The following WDR37 variants were observed in gnomAD, a reference collection of about 807,000 sequenced individuals.
WDR37 encodes WD repeat-containing protein 37.
WDR37 carries 19 observed loss-of-function variants against 62.9 expected under a neutral mutation model. The ratio of observed to expected loss-of-function variants is 0.30; its 90% CI spans 0.21 to 0.44. WDR37 has a LOEUF of 0.44. WDR37 is among the 20% of genes least tolerant of loss of function. WDR37 has a pLI of 1.00. For synonymous variants in WDR37, 250 were observed against 260.9 expected, an observed-to-expected ratio of 0.96 and a Z score of 0.40; for missense variants, 474 against 657.6, an observed-to-expected ratio of 0.72 and a Z score of 3.05.
At chr10:1,083,776 G>T (rs993912622) in intron 5 of WDR37, among the ~76,000 whole-genome samples, 7 of 152,226 alleles carry the variant, frequency 4.6e-5, no homozygotes, top group African/African-American at 1.7e-4. Context: ...TGTCCAAAAG[G>T]CCAGGGGCCT....
At chr10:1,077,513 G>A (rs7085063) in intron 2 of WDR37, among the ~76,000 whole-genome samples, 4 of 152,254 alleles carry the variant, frequency 2.6e-5, no homozygotes, top group African/African-American at 9.6e-5. Context: ...TGAGGGTCTA[G>A]CAGATTAAAA....
chr10:1,116,658 C>T (rs550323743), intron 11 of WDR37, among the ~76,000 whole-genome samples: 14 of 152,302 alleles, frequency 9.2e-5, no homozygotes, highest in Non-Finnish European at 1.6e-4. Flanking sequence ...ATCTGTCGCC[C>T]GTGACAGCTT....
intron 1 of WDR37, among the ~76,000 whole-genome samples, chr10:1,061,185 G>C (rs1833361042): frequency 6.6e-6 from 1 of 152,164 alleles, no homozygotes; most frequent in South Asian, 2.1e-4. Context: ...TAGCTCTTCA[G>C]CCTCTGGTAG....
At chr10:1,108,192 T>C (rs551049779) in intron 11 of WDR37, among the ~76,000 whole-genome samples, 23 of 152,394 alleles carry the variant, frequency 1.5e-4, no homozygotes, top group Admixed American at 1.4e-3. Flanking sequence ...TTAAATTTAC[T>C]CAGTTCTCCC....
chr10:1,117,026 G>T (rs1465016547), intron 11 of WDR37, among the ~76,000 whole-genome samples: 4 of 152,052 alleles, frequency 2.6e-5, no homozygotes, highest in Non-Finnish European at 5.9e-5. Context: ...TCCTGAGCCA[G>T]TCCCTTGTTG....
intron 5 of WDR37, among the ~76,000 whole-genome samples, chr10:1,082,429 T>G (rs1211972587): frequency 6.6e-6 from 1 of 152,198 alleles, no homozygotes; most frequent in Admixed American, 6.5e-5. Flanking sequence ...AAGAAACTTA[T>G]AAAAATCAGA....
At chr10:1,077,710 G>A (rs1481063186) in intron 2 of WDR37, among the ~76,000 whole-genome samples, 197 bp from the exon 3 acceptor site, 1 of 152,172 alleles carries the variant, frequency 6.6e-6, no homozygotes, top group Non-Finnish European at 1.5e-5. Context: ...ATACTAGGTA[G>A]CCATTTATAC....
At chr10:1,066,522 CT>C (rs1833559438) in intron 1 of WDR37, among the ~76,000 whole-genome samples, 2 of 152,186 alleles carry the variant, frequency 1.3e-5, no homozygotes, top group African/African-American at 4.8e-5. Flanking sequence ...TATACCATTT[CT>C]CCCCAGATTG....
chr10:1,117,077 C>A (rs1047524372), intron 11 of WDR37, among the ~76,000 whole-genome samples: 1 of 152,108 alleles, frequency 6.6e-6, no homozygotes, highest in African/African-American at 2.4e-5. Flanking sequence ...TTTTTTGAGA[C>A]AGGGCGTCAC....
At chr10:1,057,346 G>T (rs1589066755) in intron 1 of WDR37, among the ~76,000 whole-genome samples, 1 of 137,530 alleles carries the variant, frequency 7.3e-6, no homozygotes, top group South Asian at 2.2e-4. Flanking sequence ...GAAGGGTTCG[G>T]CCCGGGGTCT....
chr10:1,067,251 C>CA (rs1833581640), intron 1 of WDR37, among the ~76,000 whole-genome samples: 2 of 151,860 alleles, frequency 1.3e-5, no homozygotes. Flanking sequence ...AAACAAACAA[C>CA]AAAAAAACCT....
At chr10:1,074,386 C>T in intron 2 of WDR37, 2 of 1,293,560 alleles carry the variant, frequency 1.5e-6, no homozygotes, top group South Asian at 1.3e-5. Flanking sequence ...GCTCAGAGGT[C>T]TCCAAGCCGC....
At chr10:1,063,721 T>C (rs982616613) in intron 1 of WDR37, among the ~76,000 whole-genome samples, 3 of 152,074 alleles carry the variant, frequency 2.0e-5, no homozygotes, top group African/African-American at 7.2e-5. Context: ...GGGGAGACTG[T>C]ATAGGGAGCA....
In WDR37 at chr10:1,073,105, A is replaced by G. The variant is rs74120412; in HGVS notation, c.138+812A>G. Among the ~76,000 whole-genome samples the G allele has an allele frequency of 8.8e-3, 1,348 of 152,324 alleles. 13 individuals carry two copies. Among genetic ancestry groups the G allele is most frequent in the African/African-American group, 0.021 (869 of 41,570 alleles). On this transcript the variant is annotated intron_variant, in intron 2 of 13. Transcript: ENST00000263150. ...GTTTTGCTTATACTTTTTCTAGTTC[A>G]TTTATAGCTGATGAAATTCTGTCAG...
At chr10:1,071,653 G>A (rs1482956135) in intron 1 of WDR37, among the ~76,000 whole-genome samples, 1 of 152,042 alleles carries the variant, frequency 6.6e-6, no homozygotes, top group African/African-American at 2.4e-5. Context: ...TAAACGTATT[G>A]GGTTAAGTAA....
At chr10:1,126,375 C>T (rs1465439620) in intron 13 of WDR37, among the ~76,000 whole-genome samples, 3 of 148,970 alleles carry the variant, frequency 2.0e-5, no homozygotes, top group Admixed American at 6.6e-5. Context: ...CACTGCACTC[C>T]AGCCTGGGCG....
intron 9 of WDR37, among the ~76,000 whole-genome samples, chr10:1,097,537 G>T (rs1834630720): frequency 6.6e-6 from 1 of 152,252 alleles, no homozygotes; most frequent in East Asian, 1.9e-4. Context: ...TCTCACTGCA[G>T]TCCCAGGACA....
Position 1,129,678 on chromosome 10 carries a change from T to C in WDR37, c.*334T>C, listed in dbSNP as rs942221029. ...ACATTTGTGTGAATTAAATGTGAAC[T>C]TCTGTATTACGTTGCGGCGTCGGCA... On this transcript the variant is annotated 3_prime_UTR_variant, in exon 14 of 14. Coordinates refer to ENST00000263150, the MANE Select transcript of WDR37 (RefSeq NM_014023.4). 10 of 196,576 alleles carry C rather than the reference T, an allele frequency of 5.1e-5. No homozygotes were observed. The highest frequency in any genetic ancestry group is 1.6e-4 in the African/African-American group (7 of 43,058). 12.2% of individuals were successfully genotyped at this position (196,576 alleles called of 1,614,324 possible).
rs1379026055 is a variant in WDR37 at position 1,105,664 on chromosome 10, TA to T, written c.1103+398del. On this transcript the variant is annotated intron_variant, in intron 11 of 13. Coordinates refer to ENST00000263150, the MANE Select transcript of WDR37 (RefSeq NM_014023.4). The surrounding 1 kb of genome is among the most constrained non-coding windows in gnomAD (Gnocchi z 5.3). ...TGGATCTTTTCCATCTAGTTTTTGTTATTACACGTGTCTGCGTGGTATATTC... is the reference window on the plus strand; with the variant it reads ...TGGATCTTTTCCATCTAGTTTTTGTTTTACACGTGTCTGCGTGGTATATTC... Among the ~76,000 whole-genome samples, 3 of 152,146 alleles carry T rather than the reference TA, an allele frequency of 2.0e-5. No individual in the cohort carries two copies. The highest frequency in any genetic ancestry group is 6.5e-5 in the Admixed American group (1 of 15,270).
Sources: gnomAD v4.1 joint callset for allele counts (sites outside exome capture counted in the v4.1 genomes callset) on GRCh38, gnomAD v4.1.1 for gene constraint, Gnocchi (gnomAD v3.1) non-coding constraint, MANE v1.5 for transcripts, NCBI Gene and HGNC (gene_info 2026-07-23, HGNC 2026-07-21) for gene names.